CXADR: variants seen among roughly 807,000 people sequenced by gnomAD.
The protein encoded by CXADR is CXADR cell adhesion molecule.
Under a neutral mutation model 40.3 loss-of-function variants are expected in CXADR, and 20 were observed. That is an observed-to-expected ratio of 0.50 (90% CI 0.35 to 0.72). The LOEUF (loss-of-function observed/expected upper bound fraction) is 0.72. Ranked by LOEUF, CXADR falls within the 30% of genes least tolerant of loss-of-function variation. The pLI is 0.01. For synonymous variants in CXADR, 150 were observed against 161.3 expected, an observed-to-expected ratio of 0.93 and a Z score of 0.53; for missense variants, 332 against 449.1, an observed-to-expected ratio of 0.74 and a Z score of 2.36.
At chr21:17,603,474 T>C in the CXADR span, among the ~76,000 whole-genome samples, 1 of 152,180 alleles carries the variant, frequency 6.6e-6, no homozygotes, top group African/African-American at 2.4e-5. Flanking sequence ...CCTGACAAAA[T>C]TTAATGGAAG....
chr21:17,551,612 C>G (rs931665164), intron 2 of CXADR, 137 bp from the exon 3 acceptor site: 5 of 683,710 alleles, frequency 7.3e-6, no homozygotes, highest in Non-Finnish European at 1.2e-5. Context: ...TTATGTTTCC[C>G]CATAATACTG....
chr21:17,556,099 G>A (rs912583017), intron 3 of CXADR, among the ~76,000 whole-genome samples: 1 of 152,230 alleles, frequency 6.6e-6, no homozygotes, highest in Non-Finnish European at 1.5e-5. Flanking sequence ...TGTTGTTTGT[G>A]TTAGTGATCA....
intron 7 of CXADR, among the ~76,000 whole-genome samples, chr21:17,581,819 TG>T (rs34417106): frequency 1 from 151,465 of 151,466 alleles, 75,732 homozygotes; most frequent in Non-Finnish European, 1. Context: ...AACTCCAGCC[TG>T]GGGTGACAAA....
the CXADR span, among the ~76,000 whole-genome samples, chr21:17,630,034 G>T: frequency 6.6e-6 from 1 of 152,168 alleles, no homozygotes; most frequent in East Asian, 1.9e-4. Flanking sequence ...GAGGTAAATG[G>T]GCTTCCGGGT....
the CXADR span, among the ~76,000 whole-genome samples, chr21:17,630,717 A>T: frequency 5.3e-5 from 7 of 131,828 alleles, no homozygotes; most frequent in Admixed American, 8.7e-5. Context: ...TATTGTCATT[A>T]AAAATGTTCC....
downstream of CXADR, among the ~76,000 whole-genome samples, chr21:17,598,277 T>C (rs2123435742): frequency 6.6e-6 from 1 of 152,286 alleles, no homozygotes; most frequent in South Asian, 2.1e-4. Context: ...AACCCAAAGG[T>C]ACAAAACAAA....
Position 17,513,141 on chromosome 21 carries a change from G to A in CXADR, c.12G>A (p.Leu4=). The part of the protein sequence containing the change: MAL[L]LCFVLLCGVV... ...GCACGGCAGCCACCATGGCGCTCCT[G>A]CTGTGCTTCGTGCTCCTGTGCGGAG... Residue 4 remains leucine (L), a synonymous_variant, in exon 1 of 7, where the codon CTG becomes CTA. Transcript: ENST00000284878. 7.3e-7 allele frequency: 1 copy of A among 1,369,972 alleles called. No homozygotes were observed. The highest frequency in any genetic ancestry group is 9.4e-7 in the Non-Finnish European group (1 of 1,058,510). The allele number at this position is 1,369,972 out of a possible 1,614,324, so 84.9% of individuals were successfully genotyped here.
At chr21:17,563,594 G>C (rs557405274) in intron 6 of CXADR, among the ~76,000 whole-genome samples, 2 of 152,120 alleles carry the variant, frequency 1.3e-5, no homozygotes, top group African/African-American at 4.8e-5. Context: ...TTGAACTGTT[G>C]TGAGAATTTC....
intron 1 of CXADR, among the ~76,000 whole-genome samples, chr21:17,537,178 C>T (rs757313956): frequency 6.6e-6 from 1 of 152,248 alleles, no homozygotes; most frequent in Non-Finnish European, 1.5e-5. Flanking sequence ...CACATGTGGA[C>T]TGATTTGTCT....
At chr21:17,581,637 A>G (rs2061360276) in intron 7 of CXADR, among the ~76,000 whole-genome samples, 1 of 67,998 alleles carries the variant, frequency 1.5e-5, no homozygotes, top group Non-Finnish European at 2.8e-5. Context: ...TGAGGCCAGG[A>G]GTTCAAGACC....
chr21:17,628,207 G>A, the CXADR span, among the ~76,000 whole-genome samples: 2 of 152,164 alleles, frequency 1.3e-5, no homozygotes, highest in Admixed American at 1.3e-4. Flanking sequence ...CTCTGTTTTA[G>A]TCAGGGTTCT....
chr21:17,609,084 TATC>T, the CXADR span: 14 of 1,614,046 alleles, frequency 8.7e-6, no homozygotes, highest in African/African-American at 1.3e-5. Context: ...TTTTTCAACT[TATC>T]ATGTTTTCGA....
In CXADR at chr21:17,567,452, A is replaced by T. The variant is rs1475751653; in HGVS notation, c.*1760A>T. The stretch of plus-strand genomic sequence containing the variant: ...TTTCTATTATGAATTTCTGGTGCCT[A>T]TGAGCTAGCTATCACCTACCTGAAA... On this transcript the variant is annotated 3_prime_UTR_variant, in exon 7 of 7. Coordinates refer to ENST00000284878, the MANE Select transcript of CXADR (RefSeq NM_001338.5). 1 of 985,206 alleles carries T rather than the reference A, an allele frequency of 1.0e-6. No individual in the cohort carries two copies. The highest frequency in any genetic ancestry group is 1.7e-5 in the African/African-American group (1 of 57,246). 61.0% of individuals were successfully genotyped at this position (985,206 alleles called of 1,614,324 possible).
intron 7 of CXADR, among the ~76,000 whole-genome samples, chr21:17,585,574 G>A (rs2061389121): frequency 6.6e-6 from 1 of 152,074 alleles, no homozygotes; most frequent in Admixed American, 6.5e-5. Context: ...CTGGAGTACA[G>A]TGGCGCCATC....
At chr21:17,627,442 T>C in the CXADR span, among the ~76,000 whole-genome samples, 339 of 152,160 alleles carry the variant, frequency 2.2e-3, 2 homozygotes, top group African/African-American at 7.8e-3. Flanking sequence ...AAGGACTTGA[T>C]TGAGAGATTG....
In CXADR at chr21:17,565,555, G is replaced by T. The variant is rs2123330875; in HGVS notation, c.961G>T (p.Val321Leu). ...EGYSKTQYNQ[V>L]PSEDFERTPQ... ...ATATTCCAAGACTCAGTATAACCAA[G>T]TACCAAGTGAAGACTTTGAACGCAC... The change falls in exon 7 of 7, where the codon GTA (valine) becomes TTA (leucine). Residue 321 changes from valine (V) to leucine (L), a missense_variant. Around this residue, in one of 3 missense-constraint regions of CXADR, gnomAD observed 150 missense variants for 194.2 expected, o/e 0.77. Coordinates refer to ENST00000284878, the MANE Select transcript of CXADR (RefSeq NM_001338.5). 2 of 1,613,830 alleles carry T rather than the reference G, an allele frequency of 1.2e-6. No individual in the cohort carries two copies. Among genetic ancestry groups the T allele is most frequent in the South Asian group, 1.1e-5 (1 of 91,076 alleles).
the CXADR span, among the ~76,000 whole-genome samples, chr21:17,634,910 A>C: frequency 0.44 from 66,345 of 151,896 alleles, 14,836 homozygotes; most frequent in African/African-American, 0.51. Flanking sequence ...TGCATGCCAC[A>C]ATACTGGGCT....
chr21:17,593,997 C>T, downstream of CXADR: 12 of 1,428,346 alleles, frequency 8.4e-6, no homozygotes, highest in Non-Finnish European at 1.0e-5. Context: ...GCCCATCTAA[C>T]TTCACTACTA....
At chr21:17,544,761 T>G (rs963253572) in intron 1 of CXADR, among the ~76,000 whole-genome samples, 1 of 152,216 alleles carries the variant, frequency 6.6e-6, no homozygotes, top group Non-Finnish European at 1.5e-5. Context: ...AATCCCAATT[T>G]AAATTTATTT....
Sources: allele counts gnomAD v4.1 joint callset (sites outside exome capture counted in the v4.1 genomes callset), GRCh38; gene constraint gnomAD v4.1.1; regional missense constraint gnomAD v4.1.1; transcripts MANE v1.5; gene names NCBI Gene and HGNC (gene_info 2026-07-23, HGNC 2026-07-21).